Variants in FAM193B observed in about 807,000 individuals in gnomAD.
The protein encoded by FAM193B is family with sequence similarity 193 member B.
In FAM193B, 27 loss-of-function variants were observed where a neutral mutation model predicts 70.7. That is an observed-to-expected ratio of 0.38 (90% CI 0.28 to 0.53). FAM193B has a LOEUF of 0.53. Ranked by LOEUF, FAM193B falls within the 20% of genes least tolerant of loss-of-function variation. FAM193B has a pLI of 0.81. For synonymous variants in FAM193B, 448 were observed against 436.0 expected, an observed-to-expected ratio of 1.03 and a Z score of -0.34; for missense variants, 1,022 against 1,072.5, an observed-to-expected ratio of 0.95 and a Z score of 0.66.
At chr5:177,529,226 G>A (rs1257681048) in intron 5 of FAM193B, among the ~76,000 whole-genome samples, 1 of 150,310 alleles carries the variant, frequency 6.7e-6, no homozygotes, top group Non-Finnish European at 1.5e-5. Context: ...TCTCACCTTC[G>A]TGTAGACAGA....
intron 7 of FAM193B, 133 bp downstream of exon 7, chr5:177,523,824 G>C: frequency 1.1e-6 from 1 of 933,048 alleles, no homozygotes; most frequent in Non-Finnish European, 1.7e-6. Context: ...GGGCCTGGGG[G>C]GGCGGTGAGC....
chr5:177,523,426 C>T, intron 7 of FAM193B: 1 of 222,410 alleles, frequency 4.5e-6, no homozygotes, highest in African/African-American at 2.3e-5. Context: ...GTTTCTTTCA[C>T]CCTAATCTTT....
chr5:177,553,998 C>A (rs888783755), intron 1 of FAM193B: 2 of 1,282,892 alleles, frequency 1.6e-6, no homozygotes, highest in Non-Finnish European at 2.0e-6. Context: ...ACGGCCGGAA[C>A]GCCCGGAGGC....
chr5:177,554,414 G>A lies in FAM193B; in HGVS notation c.45C>T (p.Arg15=), dbSNP rs922946655. The change falls in exon 1 of 9, where the codon CGC becomes CGT. Residue 15 remains arginine (R), a synonymous_variant. Transcript: ENST00000514747. ...RSRPSGGAGR[R]ERARAAGPQK... ...GCGGCCCCGCGGCCCGAGCCCGCTC[G>A]CGCCTGCCCGCACCGCCGCTCGGCC... is the stretch of plus-strand genomic sequence containing the variant. The A allele has an allele frequency of 6.3e-6, 7 of 1,114,294 alleles. No homozygotes were observed. Among genetic ancestry groups the A allele is most frequent in the Non-Finnish European group, 4.4e-6 (4 of 914,044 alleles). The allele number at this position is 1,114,294 out of a possible 1,614,324, so 69.0% of individuals were successfully genotyped here. A position where few individuals can be genotyped will look rare whatever the true frequency, so the allele number is the denominator to read the frequency against.
At chr5:177,530,282 T>C (rs1763250368) in intron 5 of FAM193B, among the ~76,000 whole-genome samples, 1 of 152,178 alleles carries the variant, frequency 6.6e-6, no homozygotes, top group African/African-American at 2.4e-5. Flanking sequence ...AGCCCTGCAC[T>C]TCTCCACTTA....
intron 1 of FAM193B, among the ~76,000 whole-genome samples, chr5:177,550,454 T>C (rs886918482): frequency 2.2e-4 from 34 of 152,238 alleles, no homozygotes; most frequent in African/African-American, 8.0e-4. Flanking sequence ...ATGCTTTTAT[T>C]AAAGATACTG....
At chr5:177,530,291 T>C (rs1254878043) in intron 5 of FAM193B, among the ~76,000 whole-genome samples, 1 of 152,170 alleles carries the variant, frequency 6.6e-6, no homozygotes, top group East Asian at 1.9e-4. Flanking sequence ...CTTCTCCACT[T>C]AGATGTCTCA....
chr5:177,527,190 A>G (rs750393351), intron 5 of FAM193B, among the ~76,000 whole-genome samples: 1 of 151,808 alleles, frequency 6.6e-6, no homozygotes, highest in Non-Finnish European at 1.5e-5. Context: ...AAAGCTCAGT[A>G]TCTTCTGGGA....
rs1296510876 is a variant in FAM193B at position 177,525,219 on chromosome 5, A to G, written c.1276-14T>C. ...CTTCTCCTTTTCCTGCCAAGGCAAG[A>G]GGCAGTTTTAGCAGGAGGCTGTCAA... On this transcript the variant is annotated splice_polypyrimidine_tract_variant and intron_variant, in intron 5 of 8. Transcript: ENST00000514747. The G allele has an allele frequency of 2.8e-6, 4 of 1,445,140 alleles. No individual in the cohort carries two copies. Among genetic ancestry groups the G allele is most frequent in the East Asian group, 2.6e-5 (1 of 38,934 alleles). The allele number at this position is 1,445,140 out of a possible 1,614,324, so 89.5% of individuals were successfully genotyped here. A position where few individuals can be genotyped will look rare whatever the true frequency, so the allele number is the denominator to read the frequency against.
intron 4 of FAM193B, among the ~76,000 whole-genome samples, chr5:177,535,745 C>T (rs1764086961): frequency 6.6e-6 from 1 of 152,138 alleles, no homozygotes; most frequent in African/African-American, 2.4e-5. Context: ...TAAAAAATTA[C>T]TACTACACGA....
intron 5 of FAM193B, chr5:177,531,364 A>G (rs1271359690): frequency 1.5e-6 from 2 of 1,360,650 alleles, no homozygotes; most frequent in Non-Finnish European, 2.0e-6. Context: ...GATGAATTCC[A>G]GCAGCTCATC....
Position 177,532,537 on chromosome 5 carries a change from C to G in FAM193B, c.1181G>C (p.Ser394Thr), listed in dbSNP as rs1394499690. ...TGAGGTGCAGGAGCTTCGCTCAGAGCTGCTATCCTCTTCCTCACCCAGCCC... is the reference window on the plus strand; with the variant it reads ...TGAGGTGCAGGAGCTTCGCTCAGAGGTGCTATCCTCTTCCTCACCCAGCCC... ...DEGLGEEEDS[S>T]SERSSCTSSS... The change falls in exon 5 of 9, where the codon AGC becomes ACC. Residue 394 changes from serine to threonine, a missense_variant. Physicochemically the swap from Ser to Thr is moderately conservative, Grantham distance 58. Coordinates refer to ENST00000514747, the MANE Select transcript of FAM193B (RefSeq NM_001190946.3). This position sits in a 1 kb window ranked among gnomAD's most constrained non-coding sequence, Gnocchi z 4.9. 2 of 1,607,052 alleles carry G rather than the reference C, an allele frequency of 1.2e-6. No individual in the cohort carries two copies. The highest frequency in any genetic ancestry group is 2.2e-5 in the South Asian group (2 of 89,354).
chr5:177,537,870 C>A lies in FAM193B; in HGVS notation c.688+3G>T. Reference sequence around the variant, plus strand: ...TGGCTCTCTCCCGAGCCTGGAGACTCACCGGGGATGGTAGGAGGACTCCCA... The same window carrying A: ...TGGCTCTCTCCCGAGCCTGGAGACTAACCGGGGATGGTAGGAGGACTCCCA... On this transcript the variant is annotated splice_donor_region_variant and intron_variant, in intron 3 of 8. Coordinates refer to ENST00000514747, the MANE Select transcript of FAM193B (RefSeq NM_001190946.3). 6.2e-7 allele frequency: 1 copy of A among 1,606,970 alleles called. No individual in the cohort carries two copies. The highest frequency in any genetic ancestry group is 8.5e-7 in the Non-Finnish European group (1 of 1,175,780).
At chr5:177,551,852 G>A (rs182487200) in intron 1 of FAM193B, among the ~76,000 whole-genome samples, 60 of 152,300 alleles carry the variant, frequency 3.9e-4, no homozygotes, top group African/African-American at 1.4e-3. Flanking sequence ...CCAAAAACAC[G>A]CTTGTAGGCA....
chr5:177,531,529 T>TGGGTGGGGGG, intron 5 of FAM193B: 6 of 488,000 alleles, frequency 1.2e-5, no homozygotes, highest in African/African-American at 2.6e-5. Context: ...TGGCTGGGGG[T>TGGGTGGGGGG]GGGGGGGAGG....
intron 1 of FAM193B, chr5:177,553,489 C>T: frequency 9.0e-7 from 1 of 1,109,452 alleles, no homozygotes; most frequent in Non-Finnish European, 1.1e-6. Context: ...TGAACTTTGG[C>T]AGGGTACCTC....
At chr5:177,531,533 G>C in intron 5 of FAM193B, 1 of 1,284,566 alleles carries the variant, frequency 7.8e-7, no homozygotes, top group Non-Finnish European at 1.0e-6. Flanking sequence ...TGGGGGTGGG[G>C]GGGAGGTGCT....
At chr5:177,553,905 G>A in intron 1 of FAM193B, 2 of 1,217,782 alleles carry the variant, frequency 1.6e-6, no homozygotes, top group Non-Finnish European at 2.1e-6. Context: ...GAGCAGGTGG[G>A]CCCGGGGGAG....
At chr5:177,542,189 A>C (rs1764935992) in intron 1 of FAM193B, among the ~76,000 whole-genome samples, 1 of 152,268 alleles carries the variant, frequency 6.6e-6, no homozygotes, top group Non-Finnish European at 1.5e-5. Context: ...AATCAGTGTG[A>C]CTGCACTTAG....
Sources: allele counts gnomAD v4.1 joint callset (sites outside exome capture counted in the v4.1 genomes callset), GRCh38; gene constraint gnomAD v4.1.1; non-coding constraint Gnocchi (gnomAD v3.1); transcripts MANE v1.5; gene names NCBI Gene and HGNC (gene_info 2026-07-23, HGNC 2026-07-21).